CACNA1H: variants seen among roughly 807,000 people sequenced by gnomAD.
CACNA1H encodes the protein calcium voltage-gated channel subunit alpha1 H, also known as voltage-dependent T-type calcium channel subunit alpha-1H.
A neutral mutation model predicts 192.5 loss-of-function variants in CACNA1H; 149 were observed. The ratio of observed to expected loss-of-function variants is 0.77; its 90% CI spans 0.68 to 0.89. The LOEUF is 0.89. CACNA1H is among the 40% of genes least tolerant of loss of function. CACNA1H has a pLI of 0.00. For missense variants in CACNA1H, 4,257 were observed against 3,423.5 expected, an observed-to-expected ratio of 1.24 and a Z score of -6.08; for synonymous variants, 2,202 against 1,475.2, an observed-to-expected ratio of 1.49 and a Z score of -11.29.
At chr16:1,200,181 T>C (rs943728119) in intron 6 of CACNA1H, 75 bp from the exon 7 acceptor site, 2 of 1,250,362 alleles carry the variant, frequency 1.6e-6, no homozygotes, top group Non-Finnish European at 1.1e-6. Context: ...ACGTCCCTGA[T>C]CACAATCGTG....
At chr16:1,194,293 C>T (rs745715748) in intron 2 of CACNA1H, among the ~76,000 whole-genome samples, 3 of 152,190 alleles carry the variant, frequency 2.0e-5, no homozygotes, top group Non-Finnish European at 4.4e-5. Flanking sequence ...CAAGGCTGTT[C>T]GCTGACAAGT....
intron 2 of CACNA1H, among the ~76,000 whole-genome samples, chr16:1,156,186 C>T (rs539356144): frequency 7.2e-5 from 11 of 152,336 alleles, no homozygotes; most frequent in Non-Finnish European, 1.3e-4. Flanking sequence ...CACGCTTTGG[C>T]TCTCCCAGCT....
At chr16:1,177,117 C>T (rs1964965881) in intron 2 of CACNA1H, among the ~76,000 whole-genome samples, 2 of 152,226 alleles carry the variant, frequency 1.3e-5, no homozygotes, top group South Asian at 4.1e-4. Context: ...CTTCAGGTGT[C>T]TGTCCTGGGC....
chr16:1,160,602 G>T (rs1963066621), intron 2 of CACNA1H, among the ~76,000 whole-genome samples: 1 of 152,194 alleles, frequency 6.6e-6, no homozygotes, highest in Non-Finnish European at 1.5e-5. Context: ...GCCGCCACGT[G>T]GCCGCTGGTG....
chr16:1,206,053 C>G, intron 11 of CACNA1H, 51 bp from the exon 12 acceptor site: 1 of 1,502,598 alleles, frequency 6.7e-7, no homozygotes, highest in Non-Finnish European at 8.9e-7. Flanking sequence ...GGACGAGGGC[C>G]TGGGGTCAGG....
At chr16:1,207,178 A>G in intron 13 of CACNA1H, 60 bp downstream of exon 13, 2 of 1,548,844 alleles carry the variant, frequency 1.3e-6, no homozygotes, top group South Asian at 1.2e-5. Context: ...AGAGAGGTGG[A>G]GGTGCCGTCC....
Position 1,153,851 on chromosome 16 carries a change from C to G in CACNA1H, c.114C>G (p.Arg38=). ...ASPESPGAPG[R]EAERGSELGV... is the part of the protein sequence containing the mutation. ...CGGAGAGCCCCGGGGCGCCGGGACG[C>G]GAGGCGGAGCGGGGGTCCGAGCTCG... Residue 38 remains arginine (R), a synonymous_variant, in exon 2 of 35, where the codon CGC becomes CGG. Coordinates refer to ENST00000348261, the MANE Select transcript of CACNA1H (RefSeq NM_021098.3). The G allele has an allele frequency of 1.4e-5, 18 of 1,332,340 alleles. No homozygotes were observed. Among genetic ancestry groups the G allele is most frequent in the Non-Finnish European group, 1.7e-5 (18 of 1,042,510 alleles). The allele number at this position is 1,332,340 out of a possible 1,614,324, so 82.5% of individuals were successfully genotyped here.
chr16:1,169,759 G>T (rs886105263), intron 2 of CACNA1H, among the ~76,000 whole-genome samples: 7 of 152,230 alleles, frequency 4.6e-5, no homozygotes, highest in Non-Finnish European at 1.0e-4. Context: ...TCCCAGGAAC[G>T]TTTGTCCGTC....
chr16:1,173,548 TTAACA>T lies in CACNA1H; in HGVS notation c.299+19518_299+19522del, dbSNP rs539073230. ...ACCACAATAATAAGCCCTTTGTGTG[TTAACA>T]TAACACGTCCTTTTATGGAAAAGGT... On this transcript the variant is annotated intron_variant, in intron 2 of 34. Transcript: ENST00000348261. 1.2e-4 allele frequency among the ~76,000 whole-genome samples: 18 copies of T among 152,390 alleles called. No individual in the cohort carries two copies. In the South Asian group the frequency reaches 2.7e-3, roughly 23 times the overall value.
Position 1,175,610 on chromosome 16 carries a change from C to A in CACNA1H, c.300-19362C>A, listed in dbSNP as rs55697421. On this transcript the variant is annotated intron_variant, in intron 2 of 34. Coordinates refer to ENST00000348261, the MANE Select transcript of CACNA1H (RefSeq NM_021098.3). ...TGCCGTGCCCACTGCTGACAGCTGG[C>A]CCCGTCCATTTACTCTCATGTCCGA... Among the ~76,000 whole-genome samples the A allele has an allele frequency of 7.0e-3, 1,064 of 152,322 alleles. 13 individuals carry two copies. The highest frequency in any genetic ancestry group is 0.024 in the African/African-American group (1,000 of 41,564).
intron 5 of CACNA1H, among the ~76,000 whole-genome samples, chr16:1,197,200 G>A (rs759411862): frequency 1.3e-5 from 2 of 152,242 alleles, no homozygotes; most frequent in African/African-American, 2.4e-5. Flanking sequence ...GTGACTCTGA[G>A]CAACTAGCTG....
chr16:1,162,978 TCCA>T (rs1963376283), intron 2 of CACNA1H, among the ~76,000 whole-genome samples: 1 of 152,218 alleles, frequency 6.6e-6, no homozygotes, highest in Admixed American at 6.5e-5. Flanking sequence ...TATCCTTGGC[TCCA>T]GCCTCAAAGG....
chr16:1,153,689 C>T, intron 1 of CACNA1H, 31 bp from the exon 2 acceptor site: 1 of 1,177,048 alleles, frequency 8.5e-7, no homozygotes. Flanking sequence ...GGCGTCGCCA[C>T]CGGCCCCGGG....
chr16:1,214,623 CAG>C (rs1405060902), intron 27 of CACNA1H, among the ~76,000 whole-genome samples: 1 of 152,192 alleles, frequency 6.6e-6, no homozygotes, highest in Non-Finnish European at 1.5e-5. Context: ...CAGTAGAAGA[CAG>C]GGTGGGAGGT....
At chr16:1,215,152 C>G (rs67847286) in intron 28 of CACNA1H, 71 bp downstream of exon 28, 1 of 1,579,884 alleles carries the variant, frequency 6.3e-7, no homozygotes, top group South Asian at 1.1e-5. Context: ...CAGGTGAGGC[C>G]GCAGGCTTTC....
At chr16:1,218,182 C>T (rs1596475431) in intron 32 of CACNA1H, 28 bp from the exon 33 acceptor site, 9 of 1,542,322 alleles carry the variant, frequency 5.8e-6, no homozygotes, top group Non-Finnish European at 7.9e-6. Context: ...GGGTGTGGAC[C>T]CCGGCCCACA....
At position 1,200,814 on chromosome 16, in the gene CACNA1H, T is replaced by C. The variant is rs1386294355; in HGVS notation, c.1212+6T>C. 5 of 1,549,676 alleles carry C rather than the reference T, an allele frequency of 3.2e-6. No individual in the cohort carries two copies. In the South Asian group the frequency reaches 5.9e-5, roughly 18 times the overall value. On this transcript the variant is annotated splice_donor_region_variant and intron_variant, in intron 8 of 34. Transcript: ENST00000348261. ...ATTTCATCCTGCTCATCATCGTGAGTGTGGGCGGCAGTGTTCGCCATGATG... is the reference window on the plus strand; with the variant it reads ...ATTTCATCCTGCTCATCATCGTGAGCGTGGGCGGCAGTGTTCGCCATGATG...
chr16:1,205,483 C>T (rs1416151256), intron 11 of CACNA1H, among the ~76,000 whole-genome samples: 3 of 152,144 alleles, frequency 2.0e-5, no homozygotes, highest in African/African-American at 4.8e-5. Context: ...GCAGGCACTA[C>T]GGGGTGCGCA....
At position 1,218,418 on chromosome 16, in the gene CACNA1H, C is replaced by T. The variant is rs374079245; in HGVS notation, c.5654C>T (p.Ala1885Val). 21 of 1,554,078 alleles carry T rather than the reference C, an allele frequency of 1.4e-5. No homozygotes were observed. Among genetic ancestry groups the T allele is most frequent in the African/African-American group, 1.1e-4 (8 of 73,208 alleles). ...ELDAEIELEM[A>V]QGPGSARRVD... ...GACGCCGAGATCGAGCTGGAGATGG[C>T]GCAGGGCCCCGGGAGTGCACGCCGG... The change falls in exon 33 of 35, where the codon GCG becomes GTG. Residue 1885 changes from alanine (A) to valine (V), a missense_variant. Physicochemically the swap from Ala to Val is moderately conservative, Grantham distance 64. Coordinates refer to ENST00000348261, the MANE Select transcript of CACNA1H (RefSeq NM_021098.3).
Sources: allele counts gnomAD v4.1 joint callset (sites outside exome capture counted in the v4.1 genomes callset), GRCh38; gene constraint gnomAD v4.1.1; transcripts MANE v1.5; gene names NCBI Gene and HGNC (gene_info 2026-07-23, HGNC 2026-07-21).